The following SEPSECS variants were observed in gnomAD, a reference collection of about 807,000 sequenced individuals.
SEPSECS encodes the protein O-phosphoseryl-tRNA(Sec) selenium transferase.
SEPSECS carries 42 observed loss-of-function variants against 52.1 expected under a neutral mutation model. The ratio of observed to expected loss-of-function variants is 0.81; its 90% confidence interval spans 0.63 to 1.04. The LOEUF (loss-of-function observed/expected upper bound fraction) is 1.04, where lower values mean the gene tolerates loss of function less well. Ranked by LOEUF, SEPSECS falls within the 50% of genes least tolerant of loss-of-function variation. The pLI is 0.00. For missense variants in SEPSECS, 590 were observed against 610.6 expected, an observed-to-expected ratio of 0.97 and a Z score of 0.36; for synonymous variants, 216 against 211.4, an observed-to-expected ratio of 1.02 and a Z score of -0.19.
intron 6 of SEPSECS, among the ~76,000 whole-genome samples, chr4:25,149,742 A>C (rs1306672729): frequency 2.0e-5 from 3 of 152,216 alleles, no homozygotes; most frequent in Non-Finnish European, 2.9e-5. Context: ...AAAATCAATC[A>C]CTGAAATAAA....
chr4:25,125,009 T>C lies in SEPSECS; in HGVS notation c.1211+685A>G, dbSNP rs538211632. The stretch of plus-strand genomic sequence containing the variant: ...CCATTTTAGAAGTGTCAAAACTATA[T>C]TGTATATAGATGAGTTCATCAAGGT... On this transcript the variant is annotated intron_variant, in intron 10 of 10. Transcript: ENST00000382103. 1.6e-4 allele frequency among the ~76,000 whole-genome samples: 24 copies of C among 152,284 alleles called. 1 individual carries two copies. In the South Asian group the frequency reaches 5.0e-3, roughly 32 times the overall value.
chr4:25,141,310 A>G (rs959523544), intron 8 of SEPSECS, among the ~76,000 whole-genome samples: 3 of 152,010 alleles, frequency 2.0e-5, no homozygotes, highest in Non-Finnish European at 4.4e-5. Context: ...CTGTCTTGCA[A>G]TCTCATCTAG....
chr4:25,160,490 A>G (rs1401158549), upstream of SEPSECS: 17 of 706,242 alleles, frequency 2.4e-5, no homozygotes, highest in East Asian at 3.6e-4. Context: ...ACAAAAAACA[A>G]AACAAAACAA....
At chr4:25,153,603 T>A (rs1007899261) in intron 5 of SEPSECS, among the ~76,000 whole-genome samples, 3 of 151,980 alleles carry the variant, frequency 2.0e-5, no homozygotes, top group Admixed American at 1.3e-4. Flanking sequence ...CACAATAGTT[T>A]TTGTCTGATT....
intron 8 of SEPSECS, among the ~76,000 whole-genome samples, chr4:25,142,812 C>A (rs1711672869): frequency 6.6e-6 from 1 of 152,222 alleles, no homozygotes; most frequent in Non-Finnish European, 1.5e-5. Context: ...TACTAAATTA[C>A]AGGCCAGTTC....
intron 8 of SEPSECS, among the ~76,000 whole-genome samples, chr4:25,128,277 T>C (rs1728464213): frequency 1.3e-5 from 2 of 152,306 alleles, no homozygotes; most frequent in African/African-American, 4.8e-5. Flanking sequence ...GACTTTAGTA[T>C]GCAAGTTATT....
In SEPSECS at chr4:25,152,154, C is replaced by T. The variant is rs1379724488; in HGVS notation, c.702-92G>A. ...GTTTTTTAAAAATTTAATAGTTATC[C>T]TTAATGTACACCAAAGGAAAAAAAC... On this transcript the variant is annotated intron_variant, in intron 5 of 10. Transcript: ENST00000382103. 8 of 765,542 alleles carry T rather than the reference C, an allele frequency of 1.0e-5. 1 individual carries two copies. Among genetic ancestry groups the T allele is most frequent in the South Asian group, 3.0e-5 (2 of 66,548 alleles). The allele number at this position is 765,542 out of a possible 1,614,324, so 47.4% of individuals were successfully genotyped here. A position where few individuals can be genotyped will look rare whatever the true frequency, so the allele number is the denominator to read the frequency against.
chr4:25,125,599 G>T, intron 10 of SEPSECS, 95 bp downstream of exon 10: 1 of 789,244 alleles, frequency 1.3e-6, no homozygotes, highest in Non-Finnish European at 2.2e-6. Context: ...GTATAGTTCA[G>T]GATATACTTG....
intron 8 of SEPSECS, among the ~76,000 whole-genome samples, chr4:25,139,628 C>T (rs1382225255): frequency 1.3e-5 from 2 of 152,090 alleles, no homozygotes; most frequent in African/African-American, 4.8e-5. Context: ...TCGTGATCTG[C>T]CCACCTTGGC....
intron 8 of SEPSECS, among the ~76,000 whole-genome samples, chr4:25,131,604 T>C (rs762435514): frequency 6.6e-6 from 1 of 152,208 alleles, no homozygotes; most frequent in Non-Finnish European, 1.5e-5. Flanking sequence ...ATATGTAGGC[T>C]TGAAATCAGA....
At position 25,123,910 on chromosome 4, in the gene SEPSECS, CAAG is replaced by C. The variant is rs1165815479; in HGVS notation, c.*18_*20del. 1.2e-6 allele frequency: 2 copies of C among 1,601,006 alleles called. No individual in the cohort carries two copies. Among genetic ancestry groups the C allele is most frequent in the African/African-American group, 2.7e-5 (2 of 74,644 alleles). On this transcript the variant is annotated 3_prime_UTR_variant, in exon 11 of 11. Coordinates refer to ENST00000382103, the MANE Select transcript of SEPSECS (RefSeq NM_016955.4). ...AGCCTTATCATTTCTTTCAAATGAT[CAAG>C]AAGAAACCCTTCGCATGTCATGAAG...
At position 25,144,803 on chromosome 4, in the gene SEPSECS, C is replaced by T; in HGVS notation, c.997G>A (p.Gly333Ser). ...LITLLSLGSN[G>S]YKKLLKERKE... ...CTTTCTTTTAGTAGCTTCTTATAGCCATTTGATCCAAGTGACAATAAAGTA... is the reference window on the plus strand; with the variant it reads ...CTTTCTTTTAGTAGCTTCTTATAGCTATTTGATCCAAGTGACAATAAAGTA... The change falls in exon 8 of 11, where the codon GGC (glycine) becomes AGC (serine). Residue 333 changes from glycine (G) to serine (S), a missense_variant. By Grantham distance (56) the Gly-to-Ser change is moderately conservative. Transcript: ENST00000382103. 1 of 1,612,782 alleles carries T rather than the reference C, an allele frequency of 6.2e-7. No homozygotes were observed. Among genetic ancestry groups the T allele is most frequent in the Non-Finnish European group, 8.5e-7 (1 of 1,179,160 alleles).
rs2109021958 is a variant in SEPSECS at position 25,144,867 on chromosome 4, T to C, written c.935-2A>G. The C allele has an allele frequency of 1.9e-6, 3 of 1,610,928 alleles. No individual in the cohort carries two copies. Among genetic ancestry groups the C allele is most frequent in the Non-Finnish European group, 2.5e-6 (3 of 1,177,272 alleles). On this transcript the variant is annotated splice_acceptor_variant, in intron 7 of 10. Transcript: ENST00000382103. LOFTEE classifies it high-confidence loss of function. Reference sequence around the variant, plus strand: ...AAGAAGGTGAAGCTGAAGCTCTTCCTGAAATAAGAAGGATAAGTTACATTA... The same window carrying C: ...AAGAAGGTGAAGCTGAAGCTCTTCCCGAAATAAGAAGGATAAGTTACATTA...
intron 6 of SEPSECS, among the ~76,000 whole-genome samples, chr4:25,146,648 C>T (rs1275900312): frequency 2.0e-5 from 3 of 152,144 alleles, no homozygotes; most frequent in Admixed American, 2.0e-4. Context: ...AGAACCCTTC[C>T]ATCACTAAAA....
At chr4:25,158,732 T>C (rs1230728601) in intron 2 of SEPSECS, among the ~76,000 whole-genome samples, 1 of 152,178 alleles carries the variant, frequency 6.6e-6, no homozygotes, top group Non-Finnish European at 1.5e-5. Flanking sequence ...CCTGACAGGG[T>C]AACCCCCACT....
intron 1 of SEPSECS, 167 bp downstream of exon 1, chr4:25,160,080 CAAGGCTGAG>C: frequency 1.0e-6 from 1 of 985,448 alleles, no homozygotes; most frequent in Non-Finnish European, 1.2e-6. Flanking sequence ...CTGGCTTTGG[CAAGGCTGAG>C]AAGGCACAGA....
At chr4:25,154,293 G>C (rs540311095) in intron 5 of SEPSECS, among the ~76,000 whole-genome samples, 1 of 151,998 alleles carries the variant, frequency 6.6e-6, no homozygotes, top group Non-Finnish European at 1.5e-5. Flanking sequence ...ATAATTTGAT[G>C]CTACAAGAAA....
chr4:25,131,412 G>A (rs1728600232), intron 8 of SEPSECS, among the ~76,000 whole-genome samples: 2 of 152,206 alleles, frequency 1.3e-5, no homozygotes, highest in Non-Finnish European at 2.9e-5. Flanking sequence ...TAACATGAAT[G>A]GATGGATGGA....
chr4:25,157,768 A>T (rs62411565), intron 2 of SEPSECS, among the ~76,000 whole-genome samples: 16,232 of 151,946 alleles, frequency 0.11, 1,021 homozygotes, highest in African/African-American at 0.17. Context: ...GATGGTGTGG[A>T]TCTCCTGACC....
Sources: gnomAD v4.1 joint callset for allele counts (sites outside exome capture counted in the v4.1 genomes callset) on GRCh38, gnomAD v4.1.1 for gene constraint, MANE v1.5 for transcripts, NCBI Gene and HGNC (gene_info 2026-07-23, HGNC 2026-07-21) for gene names.